KIAA1671: variants seen among roughly 807,000 people sequenced by gnomAD.
KIAA1671 encodes KIAA1671.
Under a neutral mutation model 131.2 loss-of-function variants are expected in KIAA1671, and 52 were observed. The observed-to-expected ratio is 0.40, with a 90% CI of 0.32 to 0.50. The LOEUF is 0.50. Ranked by LOEUF, KIAA1671 falls within the 20% of genes least tolerant of loss-of-function variation. The pLI, the probability that KIAA1671 is intolerant of heterozygous loss-of-function variation, is 0.73. For synonymous variants in KIAA1671, 1,003 were observed against 961.6 expected (o/e 1.04, Z -0.80); for missense variants, 2,360 against 2,364.2 (o/e 1.00, Z 0.04).
intron 8 of KIAA1671, chr22:25,175,601 G>A (rs1933995247): frequency 6.6e-6 from 1 of 152,218 alleles, no homozygotes; most frequent in African/African-American, 2.4e-5. Flanking sequence ...CAACAGACAT[G>A]TATTGAGATC....
intron 1 of KIAA1671, among the ~76,000 whole-genome samples, chr22:24,976,572 G>A (rs1922926260): frequency 6.6e-6 from 1 of 152,170 alleles, no homozygotes; most frequent in South Asian, 2.1e-4. Context: ...CCACCTGCCA[G>A]ACTTGGACAC....
chr22:25,190,920 T>G (rs912110091), intron 12 of KIAA1671, 136 bp downstream of exon 12: 57 of 522,642 alleles, frequency 1.1e-4, no homozygotes, highest in Middle Eastern at 3.2e-4. Context: ...GAATGAGGGG[T>G]GGGGGGTGTT....
At chr22:25,139,778 A>G (rs1932779997) in intron 6 of KIAA1671, among the ~76,000 whole-genome samples, 1 of 152,252 alleles carries the variant, frequency 6.6e-6, no homozygotes, top group Non-Finnish European at 1.5e-5. Flanking sequence ...AGGAGGGAAC[A>G]TAGAAGAAAT....
intron 10 of KIAA1671, among the ~76,000 whole-genome samples, chr22:25,183,695 T>A (rs1016594331): frequency 1.3e-5 from 2 of 151,886 alleles, no homozygotes; most frequent in African/African-American, 2.4e-5. Flanking sequence ...GCTAATTTTT[T>A]GTATTTTTAG....
chr22:24,984,912 C>CAAAAAAA (rs60969204), intron 1 of KIAA1671, among the ~76,000 whole-genome samples: 13 of 54,448 alleles, frequency 2.4e-4, no homozygotes, highest in African/African-American at 8.2e-4. Context: ...GACTACGTCT[C>CAAAAAAA]AAAAAAAAAA....
At chr22:25,021,394 C>G (rs73395684) in intron 1 of KIAA1671, among the ~76,000 whole-genome samples, 1 of 151,468 alleles carries the variant, frequency 6.6e-6, no homozygotes, top group African/African-American at 2.4e-5. Context: ...TCAGTGAAAT[C>G]TTCCCTAGCT....
At chr22:24,999,419 C>T (rs1286523348) in intron 1 of KIAA1671, among the ~76,000 whole-genome samples, 2 of 151,762 alleles carry the variant, frequency 1.3e-5, no homozygotes, top group African/African-American at 2.4e-5. Flanking sequence ...TTTGCAAAGA[C>T]AGGGTCTCAT....
chr22:25,175,428 AG>A (rs1405133231), intron 8 of KIAA1671: 4 of 152,188 alleles, frequency 2.6e-5, no homozygotes, highest in Admixed American at 2.0e-4. Context: ...ATTCTCCTTC[AG>A]TATATGGCCA....
At chr22:25,133,053 CAAAAAAAAA>C (rs200397060) in intron 6 of KIAA1671, among the ~76,000 whole-genome samples, 1 of 90,480 alleles carries the variant, frequency 1.1e-5, no homozygotes, top group Non-Finnish European at 2.2e-5. Context: ...GACTCCATCT[CAAAAAAAAA>C]AAAAAAAAAA....
Position 25,181,682 on chromosome 22 carries a change from C to T in KIAA1671, c.5075-17C>T. Reference sequence around the variant, plus strand: ...TGGCAGCTGCTGATGAATTCAGTGCCCTTTTCTTTGCAACAGAGGAGAAAT... The same window carrying T: ...TGGCAGCTGCTGATGAATTCAGTGCTCTTTTCTTTGCAACAGAGGAGAAAT... On this transcript the variant is annotated splice_polypyrimidine_tract_variant and intron_variant, in intron 9 of 12. Coordinates refer to ENST00000358431, the MANE Select transcript of KIAA1671 (RefSeq NM_001145206.2). 6.4e-7 allele frequency: 1 copy of T among 1,551,302 alleles called. No individual in the cohort carries two copies. Among genetic ancestry groups the T allele is most frequent in the Non-Finnish European group, 8.7e-7 (1 of 1,146,784 alleles).
At chr22:25,146,696 C>CA (rs1319148925) in intron 6 of KIAA1671, among the ~76,000 whole-genome samples, 1 of 152,222 alleles carries the variant, frequency 6.6e-6, no homozygotes, top group Admixed American at 6.5e-5. Flanking sequence ...ATGTTCCCCC[C>CA]ACTCCTCCAA....
chr22:25,066,282 G>C (rs1030353186), intron 6 of KIAA1671, among the ~76,000 whole-genome samples: 8 of 152,174 alleles, frequency 5.3e-5, no homozygotes, highest in African/African-American at 1.9e-4. Flanking sequence ...CTGAGTAGCT[G>C]AGACTACAGG....
chr22:25,039,823 A>G lies in KIAA1671; in HGVS notation c.2693A>G (p.Gln898Arg). ...GCTACGAATGGGCCTTCTGACTCCCAAGCACGAACACATCCAGATGCATTT... is the reference window on the plus strand; with the variant it reads ...GCTACGAATGGGCCTTCTGACTCCCGAGCACGAACACATCCAGATGCATTT... ...SRATNGPSDS[Q>R]ARTHPDAFAV... Residue 898 changes from glutamine (Q) to arginine (R), a missense_variant, in exon 5 of 13, where the codon CAA (glutamine) becomes CGA (arginine). This residue lies in a region of KIAA1671 where 1,161 missense variants were observed against 1,204.7 expected (regional missense o/e 0.96). Transcript: ENST00000358431. 6.5e-7 allele frequency: 1 copy of G among 1,534,990 alleles called. No homozygotes were observed. The highest frequency in any genetic ancestry group is 2.0e-5 in the Admixed American group (1 of 49,350).
rs28624143 is a variant in KIAA1671 at position 25,190,403 on chromosome 22, G to A, written c.5343-299G>A. Among the ~76,000 whole-genome samples the A allele has an allele frequency of 6.2e-4, 94 of 152,320 alleles. 2 individuals are homozygous for A. In the South Asian group the frequency reaches 0.018, roughly 29 times the overall value. The stretch of plus-strand genomic sequence containing the variant: ...AATACAGATGAAGCTTCGCTCACTC[G>A]CCCACCACTCACCACCTGCTGTGTG... On this transcript the variant is annotated intron_variant, in intron 11 of 12. Transcript: ENST00000358431.
At chr22:25,148,139 T>C (rs1435503190) in intron 6 of KIAA1671, among the ~76,000 whole-genome samples, 1 of 152,024 alleles carries the variant, frequency 6.6e-6, no homozygotes, top group Non-Finnish European at 1.5e-5. Context: ...GTAAGCCTAG[T>C]GTGGTCCCGG....
At chr22:25,124,355 G>A (rs145562912) in intron 6 of KIAA1671, among the ~76,000 whole-genome samples, 3 of 152,356 alleles carry the variant, frequency 2.0e-5, no homozygotes, top group African/African-American at 4.8e-5. Context: ...AGGGTCTGAA[G>A]CATACCTTAT....
chr22:25,051,438 A>G (rs1004285990), intron 6 of KIAA1671: 2 of 152,204 alleles, frequency 1.3e-5, no homozygotes, highest in Non-Finnish European at 2.9e-5. Flanking sequence ...GTTCTCTATG[A>G]CCTCAAGAGT....
chr22:25,130,936 C>T (rs1196928216), intron 6 of KIAA1671, among the ~76,000 whole-genome samples: 1 of 152,184 alleles, frequency 6.6e-6, no homozygotes, highest in East Asian at 1.9e-4. Context: ...CAAGGTTGCT[C>T]CTTGAGGTTT....
At chr22:24,965,467 G>A (rs186604002) in intron 1 of KIAA1671, among the ~76,000 whole-genome samples, 35 of 151,144 alleles carry the variant, frequency 2.3e-4, no homozygotes, top group East Asian at 1.9e-3. Flanking sequence ...TAGACCAGGC[G>A]CAGTAGCTCA....
Sources: gnomAD v4.1 joint callset for allele counts (sites outside exome capture counted in the v4.1 genomes callset) on GRCh38, gnomAD v4.1.1 for gene constraint, gnomAD v4.1.1 regional missense constraint, MANE v1.5 for transcripts, NCBI Gene and HGNC (gene_info 2026-07-23, HGNC 2026-07-21) for gene names.